The following DACH2 variants were observed in gnomAD, a reference collection of about 807,000 sequenced individuals.
The protein encoded by DACH2 is dachshund family transcription factor 2.
A neutral mutation model predicts 35.8 loss-of-function variants in DACH2; 17 were observed. The ratio of observed to expected loss-of-function variants is 0.48; its 90% confidence interval spans 0.33 to 0.71. The LOEUF (loss-of-function observed/expected upper bound fraction) is 0.71, where lower values mean the gene tolerates loss of function less well. Ranked by LOEUF, DACH2 falls within the 30% of genes least tolerant of loss-of-function variation. The pLI is 0.02. For synonymous variants in DACH2, 195 were observed against 177.3 expected (o/e 1.10, Z -0.79); for missense variants, 469 against 472.7 (o/e 0.99, Z 0.07).
intron 4 of DACH2, among the ~76,000 whole-genome samples, chrX:86,655,324 A>G (rs1199540701): frequency 1.8e-5 from 2 of 112,164 alleles, no homozygotes; most frequent in Non-Finnish European, 3.8e-5. Context: ...GTAAATATTC[A>G]GTTGAGTGGG....
chrX:86,830,675 A>ACAT (rs2042603762), intron 11 of DACH2: 1 of 111,621 alleles, frequency 9.0e-6, no homozygotes, highest in Admixed American at 9.5e-5. Flanking sequence ...TTTTAAGGGG[A>ACAT]CATAGTGTGT....
At chrX:86,464,882 G>C (rs1362049005) in intron 2 of DACH2, among the ~76,000 whole-genome samples, 4 of 110,802 alleles carry the variant, frequency 3.6e-5, no homozygotes, top group Non-Finnish European at 7.6e-5. Flanking sequence ...GAACATAACT[G>C]AACTCAATAT....
chrX:86,604,426 C>A (rs180908353), intron 3 of DACH2, among the ~76,000 whole-genome samples: 1 of 111,700 alleles, frequency 9.0e-6, no homozygotes, highest in South Asian at 3.7e-4. Flanking sequence ...CTCTTTGATG[C>A]TCTGCTATAT....
chrX:86,761,787 T>G (rs1364777801), intron 7 of DACH2, among the ~76,000 whole-genome samples: 1 of 110,637 alleles, frequency 9.0e-6, no homozygotes, highest in Non-Finnish European at 1.9e-5. Context: ...TGAGCAAGTC[T>G]TTGAGCCCCA....
At chrX:86,277,801 CA>C (rs2033946124) in intron 1 of DACH2, among the ~76,000 whole-genome samples, 1 of 111,942 alleles carries the variant, frequency 8.9e-6, no homozygotes, top group Admixed American at 9.4e-5. Flanking sequence ...TGGAAGAACT[CA>C]ACGTCCACCA....
chrX:86,583,345 C>T (rs929441821), intron 3 of DACH2, among the ~76,000 whole-genome samples: 1 of 109,966 alleles, frequency 9.1e-6, no homozygotes, highest in African/African-American at 3.3e-5. Context: ...GAACATAGTA[C>T]TGGAATTCCT....
At chrX:86,653,760 G>T (rs1455388699) in intron 4 of DACH2, among the ~76,000 whole-genome samples, 1 of 105,434 alleles carries the variant, frequency 9.5e-6, no homozygotes, top group Non-Finnish European at 1.9e-5. Flanking sequence ...CTGCCTCCTG[G>T]GTTCAAGCAA....
intron 7 of DACH2, among the ~76,000 whole-genome samples, chrX:86,741,241 G>A (rs1016788022): frequency 4.5e-5 from 5 of 111,393 alleles, no homozygotes; most frequent in Admixed American, 9.6e-5. Flanking sequence ...ACTATCTCTT[G>A]GGGAAATTAG....
chrX:86,401,236 T>A (rs890489197), intron 2 of DACH2, among the ~76,000 whole-genome samples: 23 of 112,224 alleles, frequency 2.0e-4, no homozygotes, highest in African/African-American at 7.1e-4. Context: ...AAAAGCACAG[T>A]ATTAGGGTGG....
intron 4 of DACH2, among the ~76,000 whole-genome samples, chrX:86,688,220 G>T (rs1678287863): frequency 9.0e-6 from 1 of 111,480 alleles, no homozygotes; most frequent in African/African-American, 3.3e-5. Context: ...CCTGGGTACT[G>T]CTCTGCTCAG....
chrX:86,507,631 G>A (rs867904539), intron 2 of DACH2, among the ~76,000 whole-genome samples: 1 of 111,577 alleles, frequency 9.0e-6, no homozygotes, highest in African/African-American at 3.3e-5. Flanking sequence ...CACTAGTTTA[G>A]CTGGAGTGGA....
intron 1 of DACH2, among the ~76,000 whole-genome samples, chrX:86,313,279 A>C (rs549425771): frequency 8.9e-6 from 1 of 111,991 alleles, no homozygotes; most frequent in South Asian, 3.7e-4. Flanking sequence ...AAATGGTTAC[A>C]ATGTTTCTGT....
At chrX:86,424,834 T>A (rs900167047) in intron 2 of DACH2, among the ~76,000 whole-genome samples, 2 of 111,266 alleles carry the variant, frequency 1.8e-5, no homozygotes, top group African/African-American at 6.5e-5. Flanking sequence ...ATGGCTTTCA[T>A]TACGAGGCAT....
intron 1 of DACH2, among the ~76,000 whole-genome samples, chrX:86,311,045 G>A (rs2034790007): frequency 9.1e-6 from 1 of 110,417 alleles, no homozygotes; most frequent in East Asian, 2.9e-4. Context: ...TTTTCCAGCA[G>A]CAGAGATCAA....
intron 7 of DACH2, among the ~76,000 whole-genome samples, chrX:86,749,125 C>T (rs2041744961): frequency 8.9e-6 from 1 of 111,968 alleles, no homozygotes; most frequent in Non-Finnish European, 1.9e-5. Flanking sequence ...AATGTTGTGA[C>T]TTGTTTGATC....
At chrX:86,776,760 C>T (rs966669517) in intron 7 of DACH2, among the ~76,000 whole-genome samples, 3 of 110,714 alleles carry the variant, frequency 2.7e-5, no homozygotes, top group African/African-American at 9.9e-5. Context: ...ACAACAGGGC[C>T]CAGTGTGTGA....
At chrX:86,221,975 A>T (rs2032722829) in intron 1 of DACH2, among the ~76,000 whole-genome samples, 2 of 112,062 alleles carry the variant, frequency 1.8e-5, no homozygotes, top group African/African-American at 6.5e-5. Flanking sequence ...GAGACCTCTC[A>T]TGTCTATTCC....
At position 86,363,770 on chromosome X, in the gene DACH2, G is replaced by A. The variant is rs187429719; in HGVS notation, c.489-13054G>A. Among the ~76,000 whole-genome samples, 10 of 111,422 alleles carry A rather than the reference G, an allele frequency of 9.0e-5. No homozygotes were observed. The East Asian group carries it at 2.8e-3, about 32-fold the overall frequency. ...TGGAACACATATATATTTGTATGTA[G>A]GTTTACATTCTATGTACATATTATG... is the stretch of plus-strand genomic sequence containing the variant. On this transcript the variant is annotated intron_variant, in intron 1 of 11. Coordinates refer to ENST00000373125, the MANE Select transcript of DACH2 (RefSeq NM_053281.3).
At chrX:86,571,841 G>A (rs765757667) in intron 3 of DACH2, among the ~76,000 whole-genome samples, 1 of 110,780 alleles carries the variant, frequency 9.0e-6, no homozygotes, top group East Asian at 2.9e-4. Context: ...TCAATTTGGG[G>A]AACACTACCA....
Sources: allele counts gnomAD v4.1 joint callset (sites outside exome capture counted in the v4.1 genomes callset), GRCh38; gene constraint gnomAD v4.1.1; transcripts MANE v1.5; gene names NCBI Gene and HGNC (gene_info 2026-07-23, HGNC 2026-07-21).